The following RPH3A variants were observed in gnomAD, a reference collection of about 807,000 sequenced individuals.
RPH3A encodes rabphilin-3A.
Under a neutral mutation model 102.2 loss-of-function variants are expected in RPH3A, and 48 were observed. That is an observed-to-expected ratio of 0.47 (90% CI 0.37 to 0.60). The LOEUF is 0.60. Ranked by LOEUF, RPH3A falls within the 20% of genes least tolerant of loss-of-function variation. RPH3A has a pLI of 0.00. For synonymous variants in RPH3A, 310 were observed against 324.3 expected (o/e 0.96, Z 0.47); for missense variants, 781 against 910.1 (o/e 0.86, Z 1.83).
rs532301055 is a variant in RPH3A, at chr12:112,896,900, G to A, written c.*120G>A. Reference sequence around the variant, plus strand: ...CCCCCCATACCCTGCTGATCTCCCTGAGCCTGCCTTTGAGCCCCCGTCACG... The same window carrying A: ...CCCCCCATACCCTGCTGATCTCCCTAAGCCTGCCTTTGAGCCCCCGTCACG... On this transcript the variant is annotated 3_prime_UTR_variant, in exon 22 of 22. Transcript: ENST00000389385. The A allele has an allele frequency of 1.8e-6, 2 of 1,140,280 alleles. No individual in the cohort carries two copies. The highest frequency in any genetic ancestry group is 1.6e-5 in the African/African-American group (1 of 64,456). The allele number at this position is 1,140,280 out of a possible 1,614,324, so 70.6% of individuals were successfully genotyped here.
At chr12:112,694,740 T>C (rs2136024942) in intron 1 of RPH3A, among the ~76,000 whole-genome samples, 1 of 152,260 alleles carries the variant, frequency 6.6e-6, no homozygotes, top group East Asian at 1.9e-4. Flanking sequence ...TCCATGAAGC[T>C]CTCTTAGATA....
chr12:112,717,116 T>C (rs1417513845), intron 1 of RPH3A, among the ~76,000 whole-genome samples: 1 of 152,216 alleles, frequency 6.6e-6, no homozygotes, highest in African/African-American at 2.4e-5. Context: ...ATATTTTGGA[T>C]TTGTGGATGG....
intron 1 of RPH3A, among the ~76,000 whole-genome samples, chr12:112,771,784 T>A (rs1654038378): frequency 1.3e-5 from 2 of 152,200 alleles, no homozygotes; most frequent in African/African-American, 4.8e-5. Context: ...TAAATAGACA[T>A]GAAATCTATT....
chr12:112,616,133 G>T (rs1592908783), intron 1 of RPH3A, among the ~76,000 whole-genome samples: 1 of 152,044 alleles, frequency 6.6e-6, no homozygotes, highest in South Asian at 2.1e-4. Flanking sequence ...TCTGATAAAT[G>T]GATCCATTCT....
intron 2 of RPH3A, among the ~76,000 whole-genome samples, chr12:112,803,409 G>A (rs1435191190): frequency 2.0e-5 from 3 of 151,986 alleles, no homozygotes; most frequent in African/African-American, 7.2e-5. Flanking sequence ...GAGTCACAGA[G>A]CACGCTGTGT....
Position 112,890,007 on chromosome 12 carries a change from T to C in RPH3A, c.1564-17T>C. On this transcript the variant is annotated splice_polypyrimidine_tract_variant and intron_variant, in intron 17 of 21. Coordinates refer to ENST00000389385, the MANE Select transcript of RPH3A (RefSeq NM_001143854.2). ...TCCATAGACAATGTTATCTTTTATT[T>C]GTTTTCTTCTTTTAAGATGAAACGT... 6.2e-7 allele frequency: 1 copy of C among 1,612,490 alleles called. No individual in the cohort carries two copies. The highest frequency in any genetic ancestry group is 8.5e-7 in the Non-Finnish European group (1 of 1,179,160).
At chr12:112,712,958 T>C (rs1206380738) in intron 1 of RPH3A, among the ~76,000 whole-genome samples, 1 of 112,896 alleles carries the variant, frequency 8.9e-6, no homozygotes, top group Non-Finnish European at 1.9e-5. Flanking sequence ...CTTCTTCTTC[T>C]TCTTCTTTCT....
Position 112,881,767 on chromosome 12 carries a change from T to C in RPH3A, c.1252-5T>C, listed in dbSNP as rs1226860846. ...CCCTCACACCATTGCCTCCTTCTCT[T>C]GCAGGGCCTGAAGCCCATGGATTCA... is the stretch of plus-strand genomic sequence containing the variant. On this transcript the variant is annotated splice_region_variant and splice_polypyrimidine_tract_variant and intron_variant, in intron 14 of 21. Transcript: ENST00000389385. The C allele has an allele frequency of 1.9e-6, 3 of 1,608,332 alleles. No individual in the cohort carries two copies. The highest frequency in any genetic ancestry group is 2.6e-6 in the Non-Finnish European group (3 of 1,176,434).
At chr12:112,802,285 G>C (rs1166758743) in intron 2 of RPH3A, among the ~76,000 whole-genome samples, 1 of 152,164 alleles carries the variant, frequency 6.6e-6, no homozygotes, top group Non-Finnish European at 1.5e-5. Context: ...GGTGGACATG[G>C]GTTCGAATCC....
intron 1 of RPH3A, among the ~76,000 whole-genome samples, chr12:112,659,951 C>G (rs1259073826): frequency 1.3e-5 from 2 of 152,152 alleles, no homozygotes; most frequent in Non-Finnish European, 2.9e-5. Context: ...AAAGCCCTGT[C>G]TCTTTTTAGT....
intron 1 of RPH3A, among the ~76,000 whole-genome samples, chr12:112,688,764 G>T (rs924940769): frequency 6.6e-6 from 1 of 152,136 alleles, no homozygotes; most frequent in Non-Finnish European, 1.5e-5. Flanking sequence ...TCATTAGGAG[G>T]TATGTCAAAG....
intron 2 of RPH3A, among the ~76,000 whole-genome samples, chr12:112,806,954 A>C (rs1300184933): frequency 6.6e-6 from 1 of 151,802 alleles, no homozygotes; most frequent in Non-Finnish European, 1.5e-5. Flanking sequence ...ATAGGAGTTA[A>C]CTGAGTAAAG....
chr12:112,721,780 T>C (rs2136042709), intron 1 of RPH3A, among the ~76,000 whole-genome samples: 1 of 152,274 alleles, frequency 6.6e-6, no homozygotes, highest in South Asian at 2.1e-4. Context: ...ACATTAGATG[T>C]TGTAATCCCA....
At chr12:112,577,246 A>G (rs943182376) in intron 1 of RPH3A, among the ~76,000 whole-genome samples, 2 of 152,220 alleles carry the variant, frequency 1.3e-5, no homozygotes, top group African/African-American at 4.8e-5. Context: ...ACTTATTGTT[A>G]CTTCTTGGTT....
intron 1 of RPH3A, among the ~76,000 whole-genome samples, chr12:112,756,288 C>T (rs1008482113): frequency 3.3e-5 from 5 of 151,974 alleles, no homozygotes; most frequent in Non-Finnish European, 5.9e-5. Context: ...ATCTCACTCA[C>T]CACAACCTCC....
chr12:112,608,929 G>T (rs2039618135), intron 1 of RPH3A, among the ~76,000 whole-genome samples: 1 of 152,072 alleles, frequency 6.6e-6, no homozygotes, highest in Non-Finnish European at 1.5e-5. Context: ...AATCAGATTT[G>T]AGTTAAAAAC....
intron 1 of RPH3A, among the ~76,000 whole-genome samples, chr12:112,736,916 A>G (rs1287926701): frequency 6.6e-6 from 1 of 152,180 alleles, no homozygotes; most frequent in Non-Finnish European, 1.5e-5. Flanking sequence ...GCACTTTGGG[A>G]GGCCAAGATG....
At chr12:112,711,396 G>GA (rs972125102) in intron 1 of RPH3A, among the ~76,000 whole-genome samples, 27 of 146,436 alleles carry the variant, frequency 1.8e-4, no homozygotes, top group South Asian at 1.5e-3. Flanking sequence ...GCCTTGAGAA[G>GA]AAAAAAAAAA....
chr12:112,740,344 C>T (rs1482699779), intron 1 of RPH3A, among the ~76,000 whole-genome samples: 2 of 152,156 alleles, frequency 1.3e-5, no homozygotes, highest in Non-Finnish European at 2.9e-5. Context: ...CTATAGTTAG[C>T]CAGAGAGCTT....
Sources: gnomAD v4.1 joint callset for allele counts (sites outside exome capture counted in the v4.1 genomes callset) on GRCh38, gnomAD v4.1.1 for gene constraint, MANE v1.5 for transcripts, NCBI Gene and HGNC (gene_info 2026-07-23, HGNC 2026-07-21) for gene names.